Variants in LIPM observed in about 807,000 individuals in gnomAD.
LIPM encodes the protein lipase family member M, also known as lipase member M.
Under a neutral mutation model 42.4 loss-of-function variants are expected in LIPM, and 42 were observed. The observed-to-expected ratio is 0.99, with a 90% confidence interval of 0.77 to 1.28. The LOEUF is 1.28. Ranked by LOEUF, LIPM falls within the 50% of genes most tolerant of loss-of-function variation. The probability of loss-of-function intolerance (pLI) is 0.00; values close to 1 mark genes in which losing one functional copy is unlikely to be tolerated. For synonymous variants in LIPM, 177 were observed against 173.3 expected (o/e 1.02, Z -0.17); for missense variants, 524 against 520.1 (o/e 1.01, Z -0.07).
chr10:88,804,594 C>A (rs532939158), intron 1 of LIPM, among the ~76,000 whole-genome samples: 879 of 152,166 alleles, frequency 5.8e-3, no homozygotes, highest in Non-Finnish European at 9.5e-3. Flanking sequence ...CAGCAAGAAC[C>A]AGCAGTGGCC....
At chr10:88,814,457 C>A (rs752057406) in intron 3 of LIPM, 73 bp from the exon 4 acceptor site, 15 of 995,166 alleles carry the variant, frequency 1.5e-5, no homozygotes, top group Non-Finnish European at 2.3e-5. Context: ...TGTTTGTAAA[C>A]CTGGTGTCGG....
intron 6 of LIPM, among the ~76,000 whole-genome samples, chr10:88,816,487 A>G (rs1057117373): frequency 2.6e-5 from 4 of 152,180 alleles, no homozygotes; most frequent in Non-Finnish European, 2.9e-5. Context: ...ACTCACTCAA[A>G]TTCACCTAAA....
intron 3 of LIPM, among the ~76,000 whole-genome samples, chr10:88,813,643 AAAAG>A (rs1409382499): frequency 2.6e-5 from 4 of 152,130 alleles, no homozygotes; most frequent in Non-Finnish European, 4.4e-5. Flanking sequence ...GCATTAAAAA[AAAAG>A]AAAGGAAACT....
At chr10:88,807,578 T>C (rs1016694000) in intron 1 of LIPM, among the ~76,000 whole-genome samples, 4 of 152,224 alleles carry the variant, frequency 2.6e-5, no homozygotes, top group Admixed American at 6.5e-5. Flanking sequence ...GGGGTTCGTA[T>C]GTAGGCAACA....
chr10:88,803,382 T>C (rs928720366), intron 1 of LIPM, among the ~76,000 whole-genome samples: 1 of 152,212 alleles, frequency 6.6e-6, no homozygotes, highest in Non-Finnish European at 1.5e-5. Context: ...ATTTTGTCTG[T>C]ACCTTTTATT....
intron 2 of LIPM, among the ~76,000 whole-genome samples, chr10:88,810,901 C>G (rs1843647028): frequency 6.6e-6 from 1 of 152,178 alleles, no homozygotes; most frequent in Non-Finnish European, 1.5e-5. Context: ...TTTGATTGTC[C>G]TGTGTTAACA....
chr10:88,803,986 T>A (rs543814571), intron 1 of LIPM, among the ~76,000 whole-genome samples: 1 of 152,296 alleles, frequency 6.6e-6, no homozygotes, highest in East Asian at 1.9e-4. Flanking sequence ...ATGTTCATGT[T>A]CCAGAGATTT....
chr10:88,813,175 G>A lies in LIPM; in HGVS notation c.344G>A (p.Ser115Asn), dbSNP rs1055722718. 36 of 1,613,426 alleles carry A rather than the reference G, an allele frequency of 2.2e-5. No homozygotes were observed. Among genetic ancestry groups the A allele is most frequent in the Non-Finnish European group, 3.1e-5 (36 of 1,179,740 alleles). The stretch of plus-strand genomic sequence containing the variant: ...TGGATTTCCAACCTGCCCAACAATA[G>A]CCTGGGCTTCATTCTGGCAGATGCT... ...SNWISNLPNN[S>N]LGFILADAGF... Residue 115 changes from serine (S) to asparagine (N), a missense_variant, in exon 3 of 9, where the codon AGC becomes AAC. Physicochemically the swap from Ser to Asn is conservative, Grantham distance 46. Transcript: ENST00000404743.
intron 1 of LIPM, chr10:88,805,998 G>C (rs567876623): frequency 7.0e-5 from 32 of 456,534 alleles, no homozygotes; most frequent in South Asian, 5.0e-4. Flanking sequence ...CCTTTAGACC[G>C]CAAACAGGTC....
intron 2 of LIPM, among the ~76,000 whole-genome samples, chr10:88,809,814 G>A (rs564527213): frequency 1.4e-4 from 22 of 152,068 alleles, no homozygotes; most frequent in African/African-American, 2.9e-4. Flanking sequence ...GCACAGCTGC[G>A]CCTTATACAT....
chr10:88,815,518 A>G lies in LIPM; in HGVS notation c.858+15A>G, dbSNP rs965830498. On this transcript the variant is annotated intron_variant, in intron 6 of 8. Coordinates refer to ENST00000404743, the MANE Select transcript of LIPM (RefSeq NM_001128215.1). Reference sequence around the variant, plus strand: ...ATATGAACATGGTAAGTGGGAGCCTAGTAAATTCCCAGCATCCCAGCATAA... The same window carrying G: ...ATATGAACATGGTAAGTGGGAGCCTGGTAAATTCCCAGCATCCCAGCATAA... The G allele has an allele frequency of 1.4e-5, 21 of 1,549,214 alleles. No individual in the cohort carries two copies. In the Admixed American group the frequency reaches 2.9e-4, roughly 22 times the overall value.
At position 88,807,213 on chromosome 10, in the gene LIPM, A is replaced by G. The variant is rs576352453; in HGVS notation, c.148-1085A>G. Among the ~76,000 whole-genome samples the G allele has an allele frequency of 5.9e-5, 9 of 152,310 alleles. No individual in the cohort carries two copies. In the South Asian group the frequency reaches 1.9e-3, roughly 32 times the overall value. On this transcript the variant is annotated intron_variant, in intron 1 of 8. Coordinates refer to ENST00000404743, the MANE Select transcript of LIPM (RefSeq NM_001128215.1). ...TGGAGTATGAACCATTAGAATTCCT[A>G]ATTTACAGATGCATGAACTGAAGCA...
intron 1 of LIPM, among the ~76,000 whole-genome samples, chr10:88,807,150 A>G (rs303528): frequency 0.27 from 41,365 of 152,150 alleles, 5,860 homozygotes; most frequent in African/African-American, 0.32. Context: ...TTAGTGTTAT[A>G]TGTGCATTAT....
At chr10:88,817,628 C>T (rs1843733277) in intron 7 of LIPM, among the ~76,000 whole-genome samples, 197 bp from the exon 8 acceptor site, 1 of 152,102 alleles carries the variant, frequency 6.6e-6, no homozygotes, top group Admixed American at 6.5e-5. Flanking sequence ...TTATGTAGTC[C>T]CTCTTTCTTC....
intron 8 of LIPM, 38 bp downstream of exon 8, chr10:88,817,934 A>C: frequency 7.0e-7 from 1 of 1,426,052 alleles, no homozygotes; most frequent in Non-Finnish European, 9.7e-7. Flanking sequence ...AAATATATAC[A>C]TTGGAAATGT....
At chr10:88,805,172 A>G (rs1381002174) in intron 1 of LIPM, among the ~76,000 whole-genome samples, 1 of 152,224 alleles carries the variant, frequency 6.6e-6, no homozygotes, top group Non-Finnish European at 1.5e-5. Context: ...GAATATTAAA[A>G]GCCCTGACTT....
rs1843713200 is a variant in LIPM, at chr10:88,815,846, G to A, written c.858+343G>A. On this transcript the variant is annotated intron_variant, in intron 6 of 8. Coordinates refer to ENST00000404743, the MANE Select transcript of LIPM (RefSeq NM_001128215.1). ...CACCTCTACCCTGCACTGGGGTCCT[G>A]TAGGTTTGTAGTTTAAGTTCTTTGA... Among the ~76,000 whole-genome samples the A allele has an allele frequency of 3.3e-5, 5 of 152,188 alleles. No homozygotes were observed. The South Asian group carries it at 1.0e-3, about 32-fold the overall frequency.
Position 88,803,015 on chromosome 10 carries a change from C to T in LIPM, c.119C>T (p.Ala40Val). The change falls in exon 1 of 9, where the codon GCT becomes GTT. Residue 40 changes from alanine to valine, a missense_variant. Ala to Val is a moderately conservative substitution (Grantham distance 64). Coordinates refer to ENST00000404743, the MANE Select transcript of LIPM (RefSeq NM_001128215.1). The part of the protein sequence containing the change: ...NVNSVHMPTK[A>V]VDPEAFMNIS... ...AATTCAGTACATATGCCAACTAAAG[C>T]TGTGGACCCAGAAGCATTCATGAAT... 2 of 1,551,098 alleles carry T rather than the reference C, an allele frequency of 1.3e-6. No homozygotes were observed. The highest frequency in any genetic ancestry group is 8.7e-7 in the Non-Finnish European group (1 of 1,146,620).
chr10:88,808,716 A>C (rs1843618493), intron 2 of LIPM, among the ~76,000 whole-genome samples: 1 of 152,158 alleles, frequency 6.6e-6, no homozygotes, highest in African/African-American at 2.4e-5. Flanking sequence ...CTATGTAGAC[A>C]TTCTAAAATA....
Sources: gnomAD v4.1 joint callset for allele counts (sites outside exome capture counted in the v4.1 genomes callset) on GRCh38, gnomAD v4.1.1 for gene constraint, MANE v1.5 for transcripts, NCBI Gene and HGNC (gene_info 2026-07-23, HGNC 2026-07-21) for gene names.